DSCAM: variants seen among roughly 807,000 people sequenced by gnomAD.
The protein encoded by DSCAM is cell adhesion molecule DSCAM.
Under a neutral mutation model 217.7 loss-of-function variants are expected in DSCAM, and 47 were observed. The observed-to-expected ratio is 0.22, with a 90% confidence interval of 0.17 to 0.28. The LOEUF is 0.28. DSCAM is among the 10% of genes least tolerant of loss of function. The probability of loss-of-function intolerance (pLI) is 1.00; values close to 1 mark genes in which losing one functional copy is unlikely to be tolerated. For missense variants in DSCAM, 2,080 were observed against 2,618.3 expected (o/e 0.79, Z 4.49); for synonymous variants, 1,056 against 1,015.3 (o/e 1.04, Z -0.76).
At chr21:40,276,433 T>A (rs962003743) in intron 10 of DSCAM, among the ~76,000 whole-genome samples, 163 bp from the exon 11 acceptor site, 2 of 152,198 alleles carry the variant, frequency 1.3e-5, no homozygotes, top group African/African-American at 4.8e-5. Context: ...AGTATTAAAA[T>A]TCTTGTTTAG....
chr21:40,176,235 C>A (rs997093159), intron 15 of DSCAM, among the ~76,000 whole-genome samples: 34 of 152,068 alleles, frequency 2.2e-4, no homozygotes, highest in African/African-American at 7.5e-4. Flanking sequence ...AGAAGCACAA[C>A]AATAGGGGTC....
At chr21:40,775,708 T>G (rs2091481956) in intron 1 of DSCAM, among the ~76,000 whole-genome samples, 1 of 152,172 alleles carries the variant, frequency 6.6e-6, no homozygotes, top group Non-Finnish European at 1.5e-5. Flanking sequence ...GTTTTCAACC[T>G]TGGACTGAGA....
intron 10 of DSCAM, among the ~76,000 whole-genome samples, chr21:40,294,085 A>G (rs1007620568): frequency 2.0e-5 from 3 of 152,184 alleles, no homozygotes; most frequent in African/African-American, 2.4e-5. Flanking sequence ...TGCAATTTCT[A>G]ATTTTTTTCT....
intron 3 of DSCAM, among the ~76,000 whole-genome samples, chr21:40,503,498 G>A (rs2076186376): frequency 6.6e-6 from 1 of 152,120 alleles, no homozygotes; most frequent in Admixed American, 6.5e-5. Flanking sequence ...ACTAGCACAT[G>A]TTTCTCCCAC....
chr21:40,226,772 G>C (rs1336046275), intron 11 of DSCAM, among the ~76,000 whole-genome samples: 2 of 152,118 alleles, frequency 1.3e-5, no homozygotes, highest in African/African-American at 4.8e-5. Context: ...TTTAAGTTCA[G>C]GGGTACAAGT....
intron 32 of DSCAM, among the ~76,000 whole-genome samples, chr21:40,039,461 T>TGATATATTCA (rs2088701946): frequency 2.0e-5 from 3 of 152,182 alleles, no homozygotes; most frequent in African/African-American, 7.2e-5. Flanking sequence ...GTCACAAGCA[T>TGATATATTCA]GATATATTCA....
At chr21:40,441,517 A>G (rs2075630206) in intron 3 of DSCAM, among the ~76,000 whole-genome samples, 1 of 152,246 alleles carries the variant, frequency 6.6e-6, no homozygotes, top group Non-Finnish European at 1.5e-5. Context: ...AAGGATTAAC[A>G]AGGCAGATCC....
chr21:40,157,968 A>G (rs2090497766), intron 16 of DSCAM, among the ~76,000 whole-genome samples: 1 of 152,220 alleles, frequency 6.6e-6, no homozygotes, highest in South Asian at 2.1e-4. Flanking sequence ...TGCTAGGATT[A>G]TAGGTGTGAG....
intron 3 of DSCAM, among the ~76,000 whole-genome samples, chr21:40,686,332 A>G (rs1362756342): frequency 6.7e-6 from 1 of 150,058 alleles, no homozygotes; most frequent in Non-Finnish European, 1.5e-5. Flanking sequence ...ATATACACAG[A>G]GTACACACCC....
intron 11 of DSCAM, among the ~76,000 whole-genome samples, chr21:40,223,209 A>G (rs2091303303): frequency 6.6e-6 from 1 of 152,234 alleles, no homozygotes. Context: ...CCCTCAGAGC[A>G]GCTTTGAGGA....
intron 20 of DSCAM, among the ~76,000 whole-genome samples, chr21:40,097,880 G>A (rs967361549): frequency 1.2e-4 from 17 of 147,062 alleles, no homozygotes; most frequent in African/African-American, 3.3e-4. Context: ...GGCGGAGCTT[G>A]CAGTGAGCCA....
rs771777788 is a variant in DSCAM at position 40,423,614 on chromosome 21, GCTGT to G, written c.509-54373_509-54370del. 1.5e-4 allele frequency among the ~76,000 whole-genome samples: 23 copies of G among 152,156 alleles called. No homozygotes were observed. The East Asian group carries it at 1.7e-3, about 11-fold the overall frequency. Reference sequence around the variant, plus strand: ...ACTTCCCTTTCTTTCCTGTTCTAAAGCTGTCTAAAATAAACTTCCACTCCTGCTC... The same window carrying G: ...ACTTCCCTTTCTTTCCTGTTCTAAAGCTAAAATAAACTTCCACTCCTGCTC... On this transcript the variant is annotated intron_variant, in intron 3 of 32. Transcript: ENST00000400454.
chr21:40,072,712 G>A (rs2089314203), intron 27 of DSCAM, among the ~76,000 whole-genome samples: 1 of 152,158 alleles, frequency 6.6e-6, no homozygotes, highest in South Asian at 2.1e-4. Context: ...CCGAACTGCA[G>A]ATACCTTTGT....
intron 9 of DSCAM, among the ~76,000 whole-genome samples, chr21:40,307,754 T>TA: frequency 6.6e-6 from 1 of 152,038 alleles, no homozygotes; most frequent in South Asian, 2.1e-4. Context: ...TATGCAGCCA[T>TA]AAAAAATGAT....
At chr21:40,361,972 T>C (rs2074771658) in intron 4 of DSCAM, among the ~76,000 whole-genome samples, 2 of 152,196 alleles carry the variant, frequency 1.3e-5, no homozygotes, top group Admixed American at 6.5e-5. Flanking sequence ...CCCTCCTGTG[T>C]CCATGTGTTC....
At chr21:40,174,877 T>C (rs2090706707) in intron 15 of DSCAM, among the ~76,000 whole-genome samples, 1 of 152,180 alleles carries the variant, frequency 6.6e-6, no homozygotes, top group Non-Finnish European at 1.5e-5. Context: ...ACATGCCCTA[T>C]TCCATCAGGA....
intron 19 of DSCAM, among the ~76,000 whole-genome samples, chr21:40,128,071 C>A (rs1356812141): frequency 6.6e-6 from 1 of 151,600 alleles, no homozygotes; most frequent in Non-Finnish European, 1.5e-5. Flanking sequence ...CAGGTCAGGG[C>A]TCCCATGTCT....
At chr21:40,510,112 A>G (rs922231256) in intron 3 of DSCAM, among the ~76,000 whole-genome samples, 2 of 152,162 alleles carry the variant, frequency 1.3e-5, no homozygotes, top group African/African-American at 2.4e-5. Context: ...TGACAGAGCG[A>G]GACTCCATCT....
At chr21:40,358,902 C>T (rs2074726896) in intron 4 of DSCAM, among the ~76,000 whole-genome samples, 1 of 151,128 alleles carries the variant, frequency 6.6e-6, no homozygotes, top group South Asian at 2.1e-4. Flanking sequence ...GAACTCAAAT[C>T]CAAAAAATAT....
Sources: gnomAD v4.1 joint callset for allele counts (sites outside exome capture counted in the v4.1 genomes callset) on GRCh38, gnomAD v4.1.1 for gene constraint, MANE v1.5 for transcripts, NCBI Gene and HGNC (gene_info 2026-07-23, HGNC 2026-07-21) for gene names.